TIAM1: variants seen among roughly 807,000 people sequenced by gnomAD.
The protein encoded by TIAM1 is TIAM Rac1 associated GEF 1, also known as rho guanine nucleotide exchange factor TIAM1.
TIAM1 carries 65 observed loss-of-function variants against 163.5 expected under a neutral mutation model. That is an observed-to-expected ratio of 0.40 (90% CI 0.33 to 0.49). TIAM1 has a LOEUF of 0.49. Among genes scored for constraint, TIAM1 ranks in the 20% least tolerant of loss-of-function variants. The pLI is 0.77. For missense variants in TIAM1, 1,789 were observed against 2,044.7 expected, an observed-to-expected ratio of 0.87 and a Z score of 2.41; for synonymous variants, 833 against 810.1, an observed-to-expected ratio of 1.03 and a Z score of -0.48.
intron 6 of TIAM1, among the ~76,000 whole-genome samples, chr21:31,243,301 C>T (rs2071318270): frequency 7.0e-6 from 1 of 143,374 alleles, no homozygotes; most frequent in Non-Finnish European, 1.5e-5. Context: ...AGCTCAACAG[C>T]AGATTTGAGT....
intron 5 of TIAM1, among the ~76,000 whole-genome samples, chr21:31,247,794 A>T (rs2071586637): frequency 6.6e-6 from 1 of 152,208 alleles, no homozygotes; most frequent in Non-Finnish European, 1.5e-5. Context: ...AATCCCAAAG[A>T]TTTTGAGGAT....
chr21:31,481,364 G>A (rs1314938896), intron 1 of TIAM1, among the ~76,000 whole-genome samples: 2 of 152,114 alleles, frequency 1.3e-5, no homozygotes, highest in Non-Finnish European at 2.9e-5. Flanking sequence ...AATGTGTGGG[G>A]TTTTTCCTCA....
chr21:31,467,888 C>T (rs1030775441), intron 1 of TIAM1, among the ~76,000 whole-genome samples: 8 of 151,286 alleles, frequency 5.3e-5, no homozygotes, highest in Non-Finnish European at 1.2e-4. Context: ...GAGTTTGAGA[C>T]CAGCCTGGCC....
At chr21:31,157,930 T>C (rs1490924601) in intron 16 of TIAM1, among the ~76,000 whole-genome samples, 1 of 152,162 alleles carries the variant, frequency 6.6e-6, no homozygotes, top group Admixed American at 6.5e-5. Context: ...CTGACACATA[T>C]CAAAGGCAGG....
intron 9 of TIAM1, among the ~76,000 whole-genome samples, chr21:31,215,568 G>GAA (rs398040071): frequency 0.022 from 1,659 of 75,498 alleles, 67 homozygotes; most frequent in African/African-American, 0.064. Flanking sequence ...TCTCAAAAAA[G>GAA]AAAAAAAAAA....
chr21:31,172,200 G>A (rs2084543945), intron 15 of TIAM1, among the ~76,000 whole-genome samples: 1 of 152,120 alleles, frequency 6.6e-6, no homozygotes, highest in Non-Finnish European at 1.5e-5. Context: ...GCAGGAAGAG[G>A]GAATTCAAGT....
chr21:31,244,714 A>G (rs1030025224), intron 6 of TIAM1, among the ~76,000 whole-genome samples: 2 of 152,172 alleles, frequency 1.3e-5, no homozygotes, highest in African/African-American at 4.8e-5. Context: ...TGACAAAGCA[A>G]GGCTTCATCT....
intron 2 of TIAM1, among the ~76,000 whole-genome samples, chr21:31,376,574 CA>C (rs1232358531): frequency 6.6e-6 from 1 of 152,160 alleles, no homozygotes; most frequent in African/African-American, 2.4e-5. Context: ...AGTGCTCCCC[CA>C]AACACACGCA....
chr21:31,119,689 TTCTC>T lies in TIAM1; in HGVS notation c.*675_*678del. On this transcript the variant is annotated 3_prime_UTR_variant, in exon 28 of 28. Coordinates refer to ENST00000541036, the MANE Select transcript of TIAM1 (RefSeq NM_001353694.2). Reference sequence around the variant, plus strand: ...ATACAAAAAATAGTGTTTCTTTTCTTTCTCTCAAGCGATAAATTTGGATCTCTTT... The same window carrying T: ...ATACAAAAAATAGTGTTTCTTTTCTTTCAAGCGATAAATTTGGATCTCTTT... 6.5e-6 allele frequency: 1 copy of T among 152,730 alleles called. No individual in the cohort carries two copies. The allele number at this position is 152,730 out of a possible 1,614,324, so 9.5% of individuals were successfully genotyped here.
chr21:31,366,693 T>C (rs1254005100), intron 2 of TIAM1, among the ~76,000 whole-genome samples: 1 of 152,200 alleles, frequency 6.6e-6, no homozygotes, highest in Non-Finnish European at 1.5e-5. Context: ...CTTGGCTCAC[T>C]GCAACCTCCA....
chr21:31,213,343 A>C (rs773891640), intron 10 of TIAM1, 55 bp downstream of exon 10: 1 of 1,453,332 alleles, frequency 6.9e-7, no homozygotes, highest in South Asian at 1.3e-5. Context: ...TGCACCATGT[A>C]TATGTTGATG....
chr21:31,265,945 AAGTCATGCACTTAAAG>A lies in TIAM1; in HGVS notation c.963+49_963+64del, dbSNP rs2072735200. ...AAAAGATGGAAATCTTCTAAGAGCA[AAGTCATGCACTTAAAG>A]AGTCATGCACCATTCCCAAAATATT... On this transcript the variant is annotated intron_variant, in intron 4 of 27. Transcript: ENST00000541036. The A allele has an allele frequency of 1.1e-5, 17 of 1,555,094 alleles. 1 individual carries two copies. The South Asian group carries it at 2.1e-4, about 19-fold the overall frequency.
At chr21:31,383,707 T>C (rs945240861) in intron 2 of TIAM1, among the ~76,000 whole-genome samples, 2 of 152,152 alleles carry the variant, frequency 1.3e-5, no homozygotes, top group African/African-American at 4.8e-5. Flanking sequence ...CCATACCTTG[T>C]ATCTATCTAC....
chr21:31,305,973 T>C (rs2074695538), intron 2 of TIAM1, among the ~76,000 whole-genome samples: 1 of 152,162 alleles, frequency 6.6e-6, no homozygotes, highest in South Asian at 2.1e-4. Flanking sequence ...GCCAGTGTCC[T>C]CACAATCCAG....
intron 1 of TIAM1, among the ~76,000 whole-genome samples, chr21:31,343,407 C>T (rs905095416): frequency 6.6e-6 from 1 of 152,188 alleles, no homozygotes; most frequent in Non-Finnish European, 1.5e-5. Flanking sequence ...CCAGCACCAC[C>T]TTCCACCCAA....
chr21:31,135,261 T>C (rs2082574686), intron 23 of TIAM1, among the ~76,000 whole-genome samples: 1 of 152,236 alleles, frequency 6.6e-6, no homozygotes, highest in Non-Finnish European at 1.5e-5. Context: ...AATTATATGC[T>C]AACCCATGTT....
At chr21:31,263,083 T>C (rs1398850845) in intron 4 of TIAM1, among the ~76,000 whole-genome samples, 1 of 152,156 alleles carries the variant, frequency 6.6e-6, no homozygotes, top group African/African-American at 2.4e-5. Context: ...CTAGGAAATG[T>C]GGGCGGGTGG....
intron 25 of TIAM1, 91 bp from the exon 26 acceptor site, chr21:31,127,243 A>T: frequency 8.8e-7 from 1 of 1,141,834 alleles, no homozygotes; most frequent in South Asian, 1.3e-5. Flanking sequence ...GTGATAGAGG[A>T]TTAATAATGC....
intron 19 of TIAM1, among the ~76,000 whole-genome samples, chr21:31,147,721 T>C (rs544514384): frequency 9.7e-5 from 14 of 143,888 alleles, no homozygotes; most frequent in African/African-American, 3.6e-4. Context: ...ATATAATATA[T>C]AAAATATATA....
Sources: gnomAD v4.1 joint callset for allele counts (sites outside exome capture counted in the v4.1 genomes callset) on GRCh38, gnomAD v4.1.1 for gene constraint, MANE v1.5 for transcripts, NCBI Gene and HGNC (gene_info 2026-07-23, HGNC 2026-07-21) for gene names.